Variants in NKAIN3 observed in about 807,000 individuals in gnomAD.
NKAIN3 encodes sodium/potassium-transporting ATPase subunit beta-1-interacting protein 3.
In NKAIN3, 25 loss-of-function variants were observed where a neutral mutation model predicts 30.2. That is an observed-to-expected ratio of 0.83 (90% CI 0.60 to 1.16). The LOEUF is 1.16. NKAIN3 is among the 50% of genes most tolerant of loss of function. NKAIN3 has a pLI of 0.00. For missense variants in NKAIN3, 225 were observed against 254.1 expected, an observed-to-expected ratio of 0.89 and a Z score of 0.78; for synonymous variants, 91 against 89.6, an observed-to-expected ratio of 1.02 and a Z score of -0.09.
intron 6 of NKAIN3, among the ~76,000 whole-genome samples, chr8:62,954,398 T>C (rs534293613): frequency 6.6e-6 from 1 of 152,246 alleles, no homozygotes; most frequent in Non-Finnish European, 1.5e-5. Flanking sequence ...CACCATACTA[T>C]GGTTTCACAG....
At chr8:62,534,413 G>A (rs866805865) in intron 1 of NKAIN3, among the ~76,000 whole-genome samples, 4 of 152,056 alleles carry the variant, frequency 2.6e-5, no homozygotes, top group African/African-American at 7.2e-5. Flanking sequence ...TGATATTGCC[G>A]AACCACGAAA....
At chr8:62,500,401 G>A (rs7008848) in intron 1 of NKAIN3, among the ~76,000 whole-genome samples, 129,479 of 148,284 alleles carry the variant, frequency 0.87, 56,461 homozygotes, top group Middle Eastern at 0.92. Flanking sequence ...TATAATTTAA[G>A]GAAAGAAATA....
intron 3 of NKAIN3, among the ~76,000 whole-genome samples, chr8:62,651,599 T>G (rs911404166): frequency 2.0e-5 from 3 of 152,142 alleles, no homozygotes; most frequent in Non-Finnish European, 2.9e-5. Flanking sequence ...AGGGCCTACT[T>G]TTTGGTTCAT....
At chr8:62,749,679 C>CTTTTTTTTT (rs35908903) in intron 4 of NKAIN3, among the ~76,000 whole-genome samples, 5 of 97,280 alleles carry the variant, frequency 5.1e-5, no homozygotes, top group Non-Finnish European at 1.0e-4. Flanking sequence ...TTTTTCTTTT[C>CTTTTTTTTT]TTTTTTTTTT....
At chr8:62,521,124 T>C (rs755616344) in intron 1 of NKAIN3, among the ~76,000 whole-genome samples, 6 of 151,896 alleles carry the variant, frequency 4.0e-5, no homozygotes, top group African/African-American at 1.4e-4. Context: ...CTGGAGCACA[T>C]TGAAATTAGG....
At chr8:62,569,640 G>A (rs369569002) in intron 1 of NKAIN3, among the ~76,000 whole-genome samples, 1 of 152,102 alleles carries the variant, frequency 6.6e-6, no homozygotes, top group African/African-American at 2.4e-5. Context: ...GCCAGGCATG[G>A]TGACTCATAC....
intron 3 of NKAIN3, among the ~76,000 whole-genome samples, chr8:62,694,862 C>T (rs1009686773): frequency 6.6e-6 from 1 of 152,200 alleles, no homozygotes; most frequent in Non-Finnish European, 1.5e-5. Context: ...TGAGGAGTCC[C>T]TGACCAAACT....
At chr8:62,255,346 C>T (rs1356557024) in intron 1 of NKAIN3, among the ~76,000 whole-genome samples, 1 of 152,086 alleles carries the variant, frequency 6.6e-6, no homozygotes, top group African/African-American at 2.4e-5. Flanking sequence ...TCCAAGGTGC[C>T]ACATGAAGAC....
At chr8:62,377,794 G>T (rs781659381) in intron 1 of NKAIN3, among the ~76,000 whole-genome samples, 1 of 152,136 alleles carries the variant, frequency 6.6e-6, no homozygotes, top group Non-Finnish European at 1.5e-5. Flanking sequence ...ATGGTTGTAA[G>T]TTTCTTGAGA....
At position 62,293,681 on chromosome 8, in the gene NKAIN3, G is replaced by T. The variant is rs1330587136; in HGVS notation, c.54+44554G>T. Among the ~76,000 whole-genome samples the T allele has an allele frequency of 2.6e-5, 4 of 152,180 alleles. No homozygotes were observed. In the South Asian group the frequency reaches 8.3e-4, roughly 31 times the overall value. On this transcript the variant is annotated intron_variant, in intron 1 of 6. Transcript: ENST00000623646. ...TGTCTCCCAGTTAGGCTACTCGGGG[G>T]TCAGGGACCCATTTCAGGAGGCAGT...
chr8:62,500,946 G>A (rs1421950895), intron 1 of NKAIN3, among the ~76,000 whole-genome samples: 1 of 152,064 alleles, frequency 6.6e-6, no homozygotes, highest in African/African-American at 2.4e-5. Flanking sequence ...GGGATTGCTA[G>A]GCCAAATGTT....
chr8:62,309,706 T>G (rs577795142), intron 1 of NKAIN3, among the ~76,000 whole-genome samples: 1 of 150,528 alleles, frequency 6.6e-6, no homozygotes, highest in South Asian at 2.1e-4. Context: ...GTATGATTAT[T>G]CAGATTTTTT....
chr8:62,281,752 A>T (rs1004470654), intron 1 of NKAIN3, among the ~76,000 whole-genome samples: 4 of 152,094 alleles, frequency 2.6e-5, no homozygotes, highest in African/African-American at 9.7e-5. Context: ...GCATGTATTT[A>T]TATGCATATA....
chr8:62,500,726 G>A (rs992333803), intron 1 of NKAIN3, among the ~76,000 whole-genome samples: 5 of 152,124 alleles, frequency 3.3e-5, no homozygotes, highest in East Asian at 3.9e-4. Flanking sequence ...GGATACTGCC[G>A]GGACCAAGAG....
At chr8:62,385,016 A>G (rs1817382584) in intron 1 of NKAIN3, among the ~76,000 whole-genome samples, 1 of 152,134 alleles carries the variant, frequency 6.6e-6, no homozygotes, top group African/African-American at 2.4e-5. Context: ...TGCTGAATTT[A>G]TTCATTTTGG....
chr8:62,578,974 T>A (rs1232263079), intron 1 of NKAIN3, among the ~76,000 whole-genome samples: 5 of 151,988 alleles, frequency 3.3e-5, no homozygotes, highest in Non-Finnish European at 5.9e-5. Flanking sequence ...GATCTGGTAT[T>A]TGATAGCACA....
intron 3 of NKAIN3, among the ~76,000 whole-genome samples, chr8:62,643,079 A>T (rs1009502131): frequency 6.6e-6 from 1 of 152,000 alleles, no homozygotes; most frequent in Admixed American, 6.6e-5. Context: ...CTTTGATAGC[A>T]TCTTTTTTTG....
intron 1 of NKAIN3, among the ~76,000 whole-genome samples, chr8:62,258,716 G>T (rs868185254): frequency 6.6e-6 from 1 of 152,032 alleles, no homozygotes; most frequent in Non-Finnish European, 1.5e-5. Flanking sequence ...CAAATCATTC[G>T]TTAAAAATAA....
Position 62,768,222 on chromosome 8 carries a change from T to A in NKAIN3, c.471+21093T>A, listed in dbSNP as rs563577472. Among the ~76,000 whole-genome samples the A allele has an allele frequency of 2.0e-5, 3 of 152,306 alleles. No homozygotes were observed. In the East Asian group the frequency reaches 5.8e-4, roughly 29 times the overall value. On this transcript the variant is annotated intron_variant, in intron 4 of 6. Coordinates refer to ENST00000623646, the MANE Select transcript of NKAIN3 (RefSeq NM_001304533.3). ...ATTGGCACTAGTTCTGCCTCTTGTG[T>A]ATCACAGAGTATCTACTCTTCATAC... is the stretch of plus-strand genomic sequence containing the variant.
Sources: gnomAD v4.1 joint callset for allele counts (sites outside exome capture counted in the v4.1 genomes callset) on GRCh38, gnomAD v4.1.1 for gene constraint, MANE v1.5 for transcripts, NCBI Gene and HGNC (gene_info 2026-07-23, HGNC 2026-07-21) for gene names.